RHOJ: variants seen among roughly 807,000 people sequenced by gnomAD.
RHOJ encodes the protein ras homolog family member J, also known as rho-related GTP-binding protein RhoJ.
RHOJ carries 11 observed loss-of-function variants against 23.4 expected under a neutral mutation model. That is an observed-to-expected ratio of 0.47 (90% CI 0.30 to 0.78). The LOEUF (loss-of-function observed/expected upper bound fraction) is 0.78. Among genes scored for constraint, RHOJ ranks in the 30% least tolerant of loss-of-function variants. The pLI is 0.08. For synonymous variants in RHOJ, 102 were observed against 102.7 expected (o/e 0.99, Z 0.04); for missense variants, 254 against 273.4 (o/e 0.93, Z 0.50).
rs1222534488 is a variant in RHOJ at position 63,262,881 on chromosome 14, G to T, written c.179-6229G>T. Among the ~76,000 whole-genome samples the T allele has an allele frequency of 2.0e-5, 3 of 152,310 alleles. No individual in the cohort carries two copies. The East Asian group carries it at 5.8e-4, about 29-fold the overall frequency. The stretch of plus-strand genomic sequence containing the variant: ...CAGACAGATCTAAATACCTATTATA[G>T]GGTAGAAAATGACTAGTAATTCACA... On this transcript the variant is annotated intron_variant, in intron 1 of 4. Transcript: ENST00000316754.
rs542139729 is a variant in RHOJ at position 63,251,864 on chromosome 14, T to G, written c.179-17246T>G. On this transcript the variant is annotated intron_variant, in intron 1 of 4. Coordinates refer to ENST00000316754, the MANE Select transcript of RHOJ (RefSeq NM_020663.5). ...AAAATGTCACAGTGGGTCACGCCTG[T>G]AATCCCAGCACTTTGGGAGGCCGAG... Among the ~76,000 whole-genome samples, 54 of 152,300 alleles carry G rather than the reference T, an allele frequency of 3.5e-4. No homozygotes were observed. The South Asian group carries it at 8.5e-3, about 24-fold the overall frequency.
chr14:63,257,136 G>C (rs1408422573), intron 1 of RHOJ, among the ~76,000 whole-genome samples: 3 of 147,834 alleles, frequency 2.0e-5, no homozygotes, highest in Non-Finnish European at 4.5e-5. Context: ...TACTAAGGGG[G>C]CTGAGGCAGG....
intron 1 of RHOJ, among the ~76,000 whole-genome samples, chr14:63,223,759 C>A (rs1894541295): frequency 2.6e-5 from 4 of 152,192 alleles, no homozygotes. Context: ...TACCCCTACA[C>A]AAACTCTGCT....
At chr14:63,228,446 A>G (rs112586626) in intron 1 of RHOJ, among the ~76,000 whole-genome samples, 46 of 152,238 alleles carry the variant, frequency 3.0e-4, no homozygotes, top group African/African-American at 1.0e-3. Context: ...TAATCCAACT[A>G]TCTAAGAACA....
chr14:63,266,451 G>T (rs1389318729), intron 1 of RHOJ, among the ~76,000 whole-genome samples: 1 of 152,168 alleles, frequency 6.6e-6, no homozygotes, highest in Non-Finnish European at 1.5e-5. Flanking sequence ...GTCAGTTGGG[G>T]TGCTTAGAAT....
chr14:63,239,556 C>A (rs1189657429), intron 1 of RHOJ, among the ~76,000 whole-genome samples: 3 of 152,218 alleles, frequency 2.0e-5, no homozygotes, highest in Non-Finnish European at 4.4e-5. Flanking sequence ...TCCACATACT[C>A]ACATGGACTC....
chr14:63,279,989 T>G (rs2139663550), intron 2 of RHOJ, among the ~76,000 whole-genome samples: 1 of 152,310 alleles, frequency 6.6e-6, no homozygotes, highest in Non-Finnish European at 1.5e-5. Context: ...TACTGAATGT[T>G]ACACTTTAAA....
At chr14:63,236,972 C>G (rs551866647) in intron 1 of RHOJ, among the ~76,000 whole-genome samples, 1 of 152,096 alleles carries the variant, frequency 6.6e-6, no homozygotes, top group Non-Finnish European at 1.5e-5. Flanking sequence ...AAATTCTATG[C>G]AAATAGTTGT....
chr14:63,267,735 T>A (rs1039514000), intron 1 of RHOJ, among the ~76,000 whole-genome samples: 1 of 152,152 alleles, frequency 6.6e-6, no homozygotes, highest in Non-Finnish European at 1.5e-5. Flanking sequence ...AACATTTAAA[T>A]GTCCTTCTTC....
At chr14:63,234,716 G>A (rs559581045) in intron 1 of RHOJ, among the ~76,000 whole-genome samples, 3 of 151,962 alleles carry the variant, frequency 2.0e-5, no homozygotes, top group African/African-American at 7.2e-5. Context: ...TCTCACTTTT[G>A]ACTTTTCACA....
At chr14:63,249,221 A>G (rs1895027100) in intron 1 of RHOJ, among the ~76,000 whole-genome samples, 1 of 152,242 alleles carries the variant, frequency 6.6e-6, no homozygotes, top group South Asian at 2.1e-4. Context: ...AAGCTTCTAA[A>G]GAGTTGGCAG....
intron 1 of RHOJ, among the ~76,000 whole-genome samples, chr14:63,243,385 G>A (rs903709827): frequency 2.0e-5 from 3 of 152,090 alleles, no homozygotes; most frequent in African/African-American, 7.2e-5. Flanking sequence ...TGTCACCCAG[G>A]CTGGAGTACA....
chr14:63,243,376 G>A (rs1894918621), intron 1 of RHOJ, among the ~76,000 whole-genome samples: 1 of 152,128 alleles, frequency 6.6e-6, no homozygotes, highest in Admixed American at 6.5e-5. Context: ...CTCTTGCTCT[G>A]TCACCCAGGC....
At chr14:63,261,693 A>G (rs1397840274) in intron 1 of RHOJ, among the ~76,000 whole-genome samples, 1 of 151,466 alleles carries the variant, frequency 6.6e-6, no homozygotes, top group Non-Finnish European at 1.5e-5. Flanking sequence ...CTCCTGCCTC[A>G]GCCTCCCAAA....
In RHOJ at chr14:63,270,121, G is replaced by C. The variant is rs1895440348; in HGVS notation, c.237+953G>C. 2.0e-5 allele frequency among the ~76,000 whole-genome samples: 3 copies of C among 149,424 alleles called. 1 individual carries two copies. In the South Asian group the frequency reaches 6.3e-4, roughly 31 times the overall value. On this transcript the variant is annotated intron_variant, in intron 2 of 4. Coordinates refer to ENST00000316754, the MANE Select transcript of RHOJ (RefSeq NM_020663.5). ...GAACATTTTACCCTGCTATTTCTCAGTGTGAGTTTCCTGGGAATTGTTATT... is the reference window on the plus strand; with the variant it reads ...GAACATTTTACCCTGCTATTTCTCACTGTGAGTTTCCTGGGAATTGTTATT...
At chr14:63,227,252 G>A (rs1042149230) in intron 1 of RHOJ, among the ~76,000 whole-genome samples, 13 of 152,090 alleles carry the variant, frequency 8.5e-5, no homozygotes, top group African/African-American at 1.4e-4. Flanking sequence ...GCGCCCAGCC[G>A]AGCTAAGTAT....
intron 1 of RHOJ, among the ~76,000 whole-genome samples, chr14:63,214,430 A>G (rs1566603832): frequency 6.6e-6 from 1 of 152,358 alleles, no homozygotes; most frequent in South Asian, 2.1e-4. Flanking sequence ...GAGCAATTCT[A>G]TAGTCAACCA....
chr14:63,232,668 A>G (rs1387943067), intron 1 of RHOJ, among the ~76,000 whole-genome samples: 3 of 149,232 alleles, frequency 2.0e-5, no homozygotes, highest in Admixed American at 1.3e-4. Flanking sequence ...CATACAATTC[A>G]TCCATTTAAA....
At chr14:63,216,560 C>G (rs1413466581) in intron 1 of RHOJ, among the ~76,000 whole-genome samples, 1 of 152,188 alleles carries the variant, frequency 6.6e-6, no homozygotes, top group Non-Finnish European at 1.5e-5. Context: ...AGGCTATGCT[C>G]TCTCTCCTCA....
Sources: gnomAD v4.1 joint callset for allele counts (sites outside exome capture counted in the v4.1 genomes callset) on GRCh38, gnomAD v4.1.1 for gene constraint, MANE v1.5 for transcripts, NCBI Gene and HGNC (gene_info 2026-07-23, HGNC 2026-07-21) for gene names.